ADGRA2: variants seen among roughly 807,000 people sequenced by gnomAD.
The protein encoded by ADGRA2 is adhesion G protein-coupled receptor A2.
ADGRA2 carries 61 observed loss-of-function variants against 98.7 expected under a neutral mutation model. The ratio of observed to expected loss-of-function variants is 0.62; its 90% CI spans 0.50 to 0.76. ADGRA2 has a LOEUF of 0.76. ADGRA2 is among the 30% of genes least tolerant of loss of function. The pLI, the probability that ADGRA2 is intolerant of heterozygous loss-of-function variation, is 0.00. For missense variants in ADGRA2, 1,712 were observed against 1,860.0 expected (o/e 0.92, Z 1.46); for synonymous variants, 858 against 831.5 (o/e 1.03, Z -0.55).
chr8:37,815,238 A>C (rs1035773366), intron 2 of ADGRA2, among the ~76,000 whole-genome samples: 1 of 152,214 alleles, frequency 6.6e-6, no homozygotes, highest in Non-Finnish European at 1.5e-5. Flanking sequence ...ACGCTCTTTA[A>C]TGAGCAATTA....
intron 2 of ADGRA2, 71 bp downstream of exon 2, chr8:37,815,038 G>A: frequency 1.9e-6 from 2 of 1,052,182 alleles, no homozygotes. Flanking sequence ...CGGGGAGGAG[G>A]AGGAACGCTG....
chr8:37,811,119 CAAAAAAAAAAA>C (rs1158782949), intron 1 of ADGRA2, among the ~76,000 whole-genome samples: 2 of 68,626 alleles, frequency 2.9e-5, no homozygotes. Flanking sequence ...GTCTCAAAAA[CAAAAAAAAAAA>C]AAAAAAAAAA....
intron 14 of ADGRA2, 126 bp downstream of exon 14, chr8:37,838,065 G>A: frequency 1.2e-6 from 1 of 805,352 alleles, no homozygotes; most frequent in Non-Finnish European, 1.9e-6. Context: ...CCCTAATTGG[G>A]CCCCATGAGT....
At chr8:37,840,345 G>C in intron 17 of ADGRA2, 79 bp downstream of exon 17, 1 of 1,489,110 alleles carries the variant, frequency 6.7e-7, no homozygotes, top group South Asian at 1.1e-5. Context: ...GGTGGGTGAA[G>C]GGTGAGTCTA....
At chr8:37,804,711 G>A (rs1189248498) in intron 1 of ADGRA2, among the ~76,000 whole-genome samples, 1 of 152,192 alleles carries the variant, frequency 6.6e-6, no homozygotes, top group Admixed American at 6.5e-5. Context: ...CTGCAGGCAG[G>A]AAGGTCTGGG....
At chr8:37,818,972 T>A (rs111490698) in intron 2 of ADGRA2, among the ~76,000 whole-genome samples, 2,662 of 152,230 alleles carry the variant, frequency 0.017, 38 homozygotes, top group Middle Eastern at 0.027. Flanking sequence ...GTTCAGGGAA[T>A]GCCTGGGGAG....
chr8:37,840,406 T>G (rs1173764761), intron 17 of ADGRA2, 140 bp downstream of exon 17: 3 of 879,758 alleles, frequency 3.4e-6, no homozygotes, highest in Non-Finnish European at 3.6e-6. Flanking sequence ...GGCCCTAGAC[T>G]CAGCAGGTCA....
intron 15 of ADGRA2, 185 bp from the exon 16 acceptor site, chr8:37,839,314 C>T: frequency 1.3e-6 from 1 of 773,914 alleles, no homozygotes; most frequent in Non-Finnish European, 1.6e-6. Flanking sequence ...CTCAGCCTCT[C>T]ACCCATTGGG....
chr8:37,840,243 G>T lies in ADGRA2; in HGVS notation c.2634G>T (p.Leu878=). 1 of 1,612,742 alleles carries T rather than the reference G, an allele frequency of 6.2e-7. No individual in the cohort carries two copies. Among genetic ancestry groups the T allele is most frequent in the South Asian group, 1.1e-5 (1 of 91,088 alleles). The change falls in exon 17 of 19, where the codon CTG becomes CTT. Residue 878 remains leucine, a synonymous_variant. Transcript: ENST00000412232. ...CTCCGCAAGAAGGGGACCCCGCTCTGCCTACTCCCAGTCCTATGCTCCGGT... is the reference window on the plus strand; with the variant it reads ...CTCCGCAAGAAGGGGACCCCGCTCTTCCTACTCCCAGTCCTATGCTCCGGT... ...APPPQEGDPA[L]PTPSPMLRFY...
chr8:37,836,737 T>A (rs764504787), intron 13 of ADGRA2, among the ~76,000 whole-genome samples: 5 of 152,220 alleles, frequency 3.3e-5, no homozygotes, highest in Non-Finnish European at 5.9e-5. Flanking sequence ...CTTCAAAGTC[T>A]TGGGTTGTTT....
Position 37,797,617 on chromosome 8 carries a change from A to C in ADGRA2, c.266+83A>C, listed in dbSNP as rs901589556. 3 of 1,184,912 alleles carry C rather than the reference A, an allele frequency of 2.5e-6. No individual in the cohort carries two copies. The highest frequency in any genetic ancestry group is 3.2e-5 in the African/African-American group (2 of 63,024). 73.4% of individuals were successfully genotyped at this position (1,184,912 alleles called of 1,614,324 possible). A position where few individuals can be genotyped will look rare whatever the true frequency, so the allele number is the denominator to read the frequency against. On this transcript the variant is annotated intron_variant, in intron 1 of 18. Coordinates refer to ENST00000412232, the MANE Select transcript of ADGRA2 (RefSeq NM_032777.10). This position sits in a 1 kb window ranked among gnomAD's most constrained non-coding sequence, Gnocchi z 5.3. ...AGACGGGAGGGGTGGGAGCAGGGGG[A>C]AGGGGGCTATCCCCCCACTTCAGAG...
In ADGRA2 at chr8:37,835,583, G is replaced by A; in HGVS notation, c.1863G>A (p.Leu621=). The part of the protein sequence containing the change: ...KNSVALASIQ[L]PPSLFSSLPA... The stretch of plus-strand genomic sequence containing the variant: ...GCGTGGCCCTGGCCTCCATCCAGCT[G>A]CCCCCGAGTCTATTCTCATCCCTTC... Residue 621 remains leucine, a synonymous_variant, in exon 13 of 19, where the codon CTG becomes CTA. Transcript: ENST00000412232. 6.2e-7 allele frequency: 1 copy of A among 1,613,342 alleles called. No homozygotes were observed. The highest frequency in any genetic ancestry group is 8.5e-7 in the Non-Finnish European group (1 of 1,179,360).
At chr8:37,818,815 G>T (rs1363138829) in intron 2 of ADGRA2, among the ~76,000 whole-genome samples, 1 of 152,226 alleles carries the variant, frequency 6.6e-6, no homozygotes, top group Non-Finnish European at 1.5e-5. Context: ...AGGTGAGAAA[G>T]CAAGAGGGCC....
Position 37,840,856 on chromosome 8 carries a change from A to AGGCCG in ADGRA2, c.2747+7_2747+8insGGCCG. ...ACCGGGACCACAGCCCCTAGTGAGC[A>AGGCCG]CCCCTCCCTCCCGCCCCAAGCCTAC... On this transcript the variant is annotated splice_region_variant and intron_variant, in intron 18 of 18. Coordinates refer to ENST00000412232, the MANE Select transcript of ADGRA2 (RefSeq NM_032777.10). 6.7e-7 allele frequency: 1 copy of AGGCCG among 1,483,340 alleles called. No homozygotes were observed. Among genetic ancestry groups the AGGCCG allele is most frequent in the Non-Finnish European group, 9.4e-7 (1 of 1,067,520 alleles). The allele number at this position is 1,483,340 out of a possible 1,614,324, so 91.9% of individuals were successfully genotyped here.
chr8:37,844,357 T>C lies in ADGRA2; in HGVS notation c.*2002T>C. The C allele has an allele frequency of 1.6e-6, 2 of 1,213,674 alleles. No homozygotes were observed. The highest frequency in any genetic ancestry group is 2.3e-6 in the Non-Finnish European group (2 of 861,670). 75.2% of individuals were successfully genotyped at this position (1,213,674 alleles called of 1,614,324 possible). A position where few individuals can be genotyped will look rare whatever the true frequency, so the allele number is the denominator to read the frequency against. On this transcript the variant is annotated 3_prime_UTR_variant, in exon 19 of 19. Coordinates refer to ENST00000412232, the MANE Select transcript of ADGRA2 (RefSeq NM_032777.10). Reference sequence around the variant, plus strand: ...ACTCCAGGACCCAGGGTCCAACTAATGGCAGAGCCCCTCTTGGTTCCTTCA... The same window carrying C: ...ACTCCAGGACCCAGGGTCCAACTAACGGCAGAGCCCCTCTTGGTTCCTTCA...
At position 37,839,039 on chromosome 8, in the gene ADGRA2, G is replaced by C. The variant is rs1805705511; in HGVS notation, c.2343G>C (p.Leu781=). The C allele has an allele frequency of 6.2e-7, 1 of 1,608,704 alleles. No homozygotes were observed. Among genetic ancestry groups the C allele is most frequent in the Non-Finnish European group, 8.5e-7 (1 of 1,177,322 alleles). The part of the protein sequence containing the change: ...PVVYPCTALL[L]LCLFATIITY... ...TATACCCCTGCACGGCCTTGCTGCT[G>C]CTCTGCCTCTTCGCCACCATCATCA... Residue 781 remains leucine, a synonymous_variant, in exon 15 of 19, where the codon CTG becomes CTC. Coordinates refer to ENST00000412232, the MANE Select transcript of ADGRA2 (RefSeq NM_032777.10).
At chr8:37,815,044 C>T (rs542282362) in intron 2 of ADGRA2, 77 bp downstream of exon 2, 73 of 1,002,130 alleles carry the variant, frequency 7.3e-5, no homozygotes, top group Non-Finnish European at 9.4e-5. Context: ...GGAGGAGGAA[C>T]GCTGGTCGCT....
intron 2 of ADGRA2, among the ~76,000 whole-genome samples, chr8:37,820,977 A>C (rs981776121): frequency 2.6e-5 from 4 of 152,076 alleles, no homozygotes; most frequent in African/African-American, 9.7e-5. Flanking sequence ...GATAGGATAG[A>C]CAGGAAGACC....
rs1015372008 is a variant in ADGRA2, at chr8:37,841,023, C to T, written c.2748-63C>T. The T allele has an allele frequency of 7.5e-6, 11 of 1,457,542 alleles. No individual in the cohort carries two copies. Among genetic ancestry groups the T allele is most frequent in the South Asian group, 1.3e-5 (1 of 79,518 alleles). The allele number at this position is 1,457,542 out of a possible 1,614,324, so 90.3% of individuals were successfully genotyped here. On this transcript the variant is annotated intron_variant, in intron 18 of 18. Coordinates refer to ENST00000412232, the MANE Select transcript of ADGRA2 (RefSeq NM_032777.10). The surrounding 1 kb of genome is among the most constrained non-coding windows in gnomAD (Gnocchi z 5.0). ...CCATATCCTGTCTCCCCAACCACCC[C>T]GGCCCCCAGCCCCACCCCAGCCATG...
Sources: gnomAD v4.1 joint callset for allele counts (sites outside exome capture counted in the v4.1 genomes callset) on GRCh38, gnomAD v4.1.1 for gene constraint, Gnocchi (gnomAD v3.1) non-coding constraint, MANE v1.5 for transcripts, NCBI Gene and HGNC (gene_info 2026-07-23, HGNC 2026-07-21) for gene names.